Variants in NXPE1 observed in about 807,000 individuals in gnomAD.
NXPE1 encodes the protein neurexophilin and PC-esterase domain family member 1, also known as NXPE family member 1.
A neutral mutation model predicts 33.3 loss-of-function variants in NXPE1; 31 were observed. The observed-to-expected ratio is 0.93, with a 90% CI of 0.70 to 1.26. The LOEUF is 1.26. Among genes scored for constraint, NXPE1 ranks in the 50% most tolerant of loss-of-function variants. The probability of loss-of-function intolerance (pLI) is 0.00; values close to 1 mark genes in which losing one functional copy is unlikely to be tolerated. For missense variants in NXPE1, 661 were observed against 655.6 expected, an observed-to-expected ratio of 1.01 and a Z score of -0.09; for synonymous variants, 229 against 231.4, an observed-to-expected ratio of 0.99 and a Z score of 0.09.
At chr11:114,543,830 A>G (rs570249336) in intron 5 of NXPE1, among the ~76,000 whole-genome samples, 2 of 152,326 alleles carry the variant, frequency 1.3e-5, no homozygotes, top group East Asian at 3.9e-4. Flanking sequence ...TCTACGTAGA[A>G]TCTACCCAAA....
chr11:114,544,253 G>C (rs959523815), intron 5 of NXPE1, among the ~76,000 whole-genome samples: 1 of 152,068 alleles, frequency 6.6e-6, no homozygotes, highest in African/African-American at 2.4e-5. Flanking sequence ...ATATGGAAAG[G>C]TAAAGGAACC....
chr11:114,548,487 G>T (rs1948354634), intron 5 of NXPE1, among the ~76,000 whole-genome samples: 1 of 151,892 alleles, frequency 6.6e-6, no homozygotes, highest in Admixed American at 6.6e-5. Flanking sequence ...TATAATGCAG[G>T]TATTTAATAG....
exon 6 of NXPE1, chr11:114,530,337 A>C: frequency 6.2e-7 from 1 of 1,614,216 alleles, no homozygotes; most frequent in Middle Eastern, 1.6e-4. Context: ...ATTTGAGTTT[A>C]GGGTCAGGCC....
At chr11:114,551,269 A>C in intron 4 of NXPE1, 58 bp from the exon 5 acceptor site, 3 of 1,313,242 alleles carry the variant, frequency 2.3e-6, no homozygotes, top group Non-Finnish European at 3.1e-6. Flanking sequence ...GTACTCACTC[A>C]TTATTTTATT....
At chr11:114,533,920 C>T (rs1204787319) in intron 5 of NXPE1, among the ~76,000 whole-genome samples, 1 of 152,230 alleles carries the variant, frequency 6.6e-6, no homozygotes, top group Non-Finnish European at 1.5e-5. Flanking sequence ...CCCTGTCTGA[C>T]AGCTTTGAAG....
intron 1 of NXPE1, among the ~76,000 whole-genome samples, chr11:114,557,169 C>T (rs901260411): frequency 6.6e-6 from 1 of 152,166 alleles, no homozygotes. Context: ...TCTGGGATTA[C>T]AGGCATGAGC....
At chr11:114,527,018 A>T (rs1330386052) in intron 7 of NXPE1, 1 of 152,208 alleles carries the variant, frequency 6.6e-6, no homozygotes, top group East Asian at 1.9e-4. Context: ...TACTGTCTTC[A>T]TAGAGTTCGT....
intron 5 of NXPE1, among the ~76,000 whole-genome samples, chr11:114,541,525 G>A (rs1449961601): frequency 6.6e-6 from 1 of 152,224 alleles, no homozygotes; most frequent in Non-Finnish European, 1.5e-5. Context: ...ACGTGACACA[G>A]CCGTCAGGAG....
At chr11:114,542,730 A>G (rs1948143206) in intron 5 of NXPE1, among the ~76,000 whole-genome samples, 1 of 152,202 alleles carries the variant, frequency 6.6e-6, no homozygotes, top group African/African-American at 2.4e-5. Context: ...GAGGGAAGCA[A>G]TAGTCATTTA....
At chr11:114,556,357 G>A (rs1249005177) in intron 1 of NXPE1, among the ~76,000 whole-genome samples, 1 of 152,124 alleles carries the variant, frequency 6.6e-6, no homozygotes, top group Non-Finnish European at 1.5e-5. Flanking sequence ...GTTGTTCTGT[G>A]CTACACTTTG....
At chr11:114,551,056 G>A in intron 5 of NXPE1, 47 bp downstream of exon 5, 1 of 1,055,780 alleles carries the variant, frequency 9.5e-7, no homozygotes, top group South Asian at 1.4e-5. Context: ...ACGTCACACA[G>A]GTGAGGGCTT....
In NXPE1 at chr11:114,522,510, A is replaced by G; in HGVS notation, c.1109-7T>C. ...AGATCAAAAAACTTCAGTGCTGATA[A>G]AAAAACAAATAGATGTTTTAAATAG... On this transcript the variant is annotated splice_polypyrimidine_tract_variant and splice_region_variant and intron_variant, in intron 8 of 8. Transcript: ENST00000534921. The G allele has an allele frequency of 1.3e-6, 2 of 1,570,212 alleles. No individual in the cohort carries two copies. The highest frequency in any genetic ancestry group is 1.7e-6 in the Non-Finnish European group (2 of 1,157,880).
At chr11:114,522,348 C>T (rs1367514781) in exon 9 of NXPE1, 2 of 1,614,070 alleles carry the variant, frequency 1.2e-6, no homozygotes, top group Non-Finnish European at 1.7e-6. Context: ...CGGTCAATTT[C>T]CCGAGGGATA....
chr11:114,538,554 A>G (rs1947940394), intron 5 of NXPE1, among the ~76,000 whole-genome samples: 1 of 152,244 alleles, frequency 6.6e-6, no homozygotes, highest in South Asian at 2.1e-4. Flanking sequence ...AATATCCAGA[A>G]TCTACAATGA....
intron 8 of NXPE1, 106 bp from the exon 9 acceptor site, chr11:114,522,609 A>G: frequency 6.3e-6 from 6 of 948,458 alleles, no homozygotes; most frequent in South Asian, 1.8e-5. Flanking sequence ...ATAATTGCTC[A>G]CTGGAGCCTT....
chr11:114,530,316 C>T lies in NXPE1; in HGVS notation c.692G>A (p.Cys231Tyr), dbSNP rs1459661060. The T allele has an allele frequency of 2.5e-6, 4 of 1,614,092 alleles. No individual in the cohort carries two copies. In the South Asian group the frequency reaches 3.3e-5, roughly 13 times the overall value. ...TTGGTCTCTGTCATCCAGATATTCA[C>T]AGAGTTCAGCATTTGAGTTTAGGGT... Residue 231 changes from cysteine to tyrosine, a missense_variant, in exon 6 of 9, where the codon TGT becomes TAT. Transcript: ENST00000534921.
chr11:114,547,008 C>G (rs1591296511), intron 5 of NXPE1, among the ~76,000 whole-genome samples: 2 of 152,252 alleles, frequency 1.3e-5, no homozygotes, highest in East Asian at 3.9e-4. Flanking sequence ...AGACAAATCT[C>G]TTGTACAGAA....
chr11:114,532,447 T>C (rs1018547022), intron 5 of NXPE1, among the ~76,000 whole-genome samples: 1 of 152,074 alleles, frequency 6.6e-6, no homozygotes, highest in Admixed American at 6.6e-5. Flanking sequence ...AAAATAATCA[T>C]GTAATATATA....
chr11:114,538,252 TC>T (rs1464909644), intron 5 of NXPE1, among the ~76,000 whole-genome samples: 3 of 152,196 alleles, frequency 2.0e-5, no homozygotes, highest in Admixed American at 2.0e-4. Context: ...CTGGATGCCT[TC>T]CTTACACCTT....
Sources: gnomAD v4.1 joint callset for allele counts (sites outside exome capture counted in the v4.1 genomes callset) on GRCh38, gnomAD v4.1.1 for gene constraint, MANE v1.5 for transcripts, NCBI Gene and HGNC (gene_info 2026-07-23, HGNC 2026-07-21) for gene names.